CDH18: variants seen among roughly 807,000 people sequenced by gnomAD.
CDH18 encodes cadherin-18.
In CDH18, 31 loss-of-function variants were observed where a neutral mutation model predicts 67.9. That is an observed-to-expected ratio of 0.46 (90% CI 0.34 to 0.62). CDH18 has a LOEUF of 0.62. Among genes scored for constraint, CDH18 ranks in the 20% least tolerant of loss-of-function variants. The pLI is 0.01. For missense variants in CDH18, 890 were observed against 975.5 expected, an observed-to-expected ratio of 0.91 and a Z score of 1.17; for synonymous variants, 362 against 347.2, an observed-to-expected ratio of 1.04 and a Z score of -0.48.
rs190515293 is a variant in CDH18 at position 19,841,205 on chromosome 5, A to T, written c.-256-1963T>A. ...GGAATTTCACTTTTATCATTTGACA[A>T]ATATAAAATTTATGTTTTCAAATAT... On this transcript the variant is annotated intron_variant, in intron 2 of 12. Transcript: ENST00000382275. Among the ~76,000 whole-genome samples the T allele has an allele frequency of 2.1e-3, 322 of 152,276 alleles. 4 individuals are homozygous for T. The highest frequency in any genetic ancestry group is 6.8e-3 in the African/African-American group (282 of 41,562).
intron 2 of CDH18, among the ~76,000 whole-genome samples, chr5:19,931,066 A>G (rs1793638557): frequency 6.6e-6 from 1 of 152,080 alleles, no homozygotes; most frequent in Non-Finnish European, 1.5e-5. Flanking sequence ...GACAAATAGT[A>G]TTAGTCAAAC....
At chr5:20,371,211 T>C (rs527597249) in intron 1 of CDH18, among the ~76,000 whole-genome samples, 1 of 152,118 alleles carries the variant, frequency 6.6e-6, no homozygotes, top group South Asian at 2.1e-4. Context: ...GATAAAGGAA[T>C]CCAGAATAAT....
At chr5:19,800,810 G>C (rs1777380757) in intron 3 of CDH18, among the ~76,000 whole-genome samples, 1 of 152,088 alleles carries the variant, frequency 6.6e-6, no homozygotes, top group African/African-American at 2.4e-5. Context: ...AAAATGGAGA[G>C]TACTTCTGTA....
intron 5 of CDH18, among the ~76,000 whole-genome samples, chr5:19,663,567 ATAATC>A (rs924532574): frequency 1.3e-5 from 2 of 151,918 alleles, no homozygotes; most frequent in African/African-American, 4.8e-5. Context: ...ATCCTGAGAG[ATAATC>A]TCTGAAGGAA....
chr5:20,158,258 T>C (rs1234424683), intron 2 of CDH18, among the ~76,000 whole-genome samples: 3 of 152,104 alleles, frequency 2.0e-5, no homozygotes, highest in Non-Finnish European at 2.9e-5. Context: ...AAGAGAAAAA[T>C]AAAATGGACT....
chr5:20,002,736 A>G (rs1013745442), intron 2 of CDH18, among the ~76,000 whole-genome samples: 1 of 152,184 alleles, frequency 6.6e-6, no homozygotes, highest in African/African-American at 2.4e-5. Flanking sequence ...ATCTTGTGCT[A>G]TTGAGATTAC....
chr5:20,414,198 A>G (rs1428805439), intron 1 of CDH18, among the ~76,000 whole-genome samples: 2 of 152,244 alleles, frequency 1.3e-5, no homozygotes, highest in East Asian at 3.9e-4. Context: ...CTGGGAAAAT[A>G]AAACATTCTA....
intron 2 of CDH18, among the ~76,000 whole-genome samples, chr5:20,183,007 T>C (rs533628799): frequency 3.0e-4 from 46 of 152,246 alleles, no homozygotes; most frequent in African/African-American, 1.0e-3. Context: ...ATCCTTGATC[T>C]TTCTTATATT....
In CDH18 at chr5:19,838,653, T is replaced by C. The variant is rs1781934680; in HGVS notation, c.228+106A>G. On this transcript the variant is annotated intron_variant, in intron 3 of 12. Coordinates refer to ENST00000382275, the MANE Select transcript of CDH18 (RefSeq NM_004934.5). Reference sequence around the variant, plus strand: ...CTATAGCGTAATTCACTCTACAACATAATTTGCTTCATTTGTCTATCTCTT... The same window carrying C: ...CTATAGCGTAATTCACTCTACAACACAATTTGCTTCATTTGTCTATCTCTT... 3 of 696,362 alleles carry C rather than the reference T, an allele frequency of 4.3e-6. No homozygotes were observed. In the Admixed American group the frequency reaches 7.2e-5, roughly 17 times the overall value. 43.1% of individuals were successfully genotyped at this position (696,362 alleles called of 1,614,324 possible).
At chr5:20,044,774 C>G (rs1740765289) in intron 2 of CDH18, among the ~76,000 whole-genome samples, 1 of 152,132 alleles carries the variant, frequency 6.6e-6, no homozygotes, top group Non-Finnish European at 1.5e-5. Context: ...TCCATTTTGT[C>G]TCTCTATGTT....
chr5:20,084,408 T>C (rs541947698), intron 2 of CDH18, among the ~76,000 whole-genome samples: 1 of 152,286 alleles, frequency 6.6e-6, no homozygotes, highest in African/African-American at 2.4e-5. Flanking sequence ...CCTGGCTGCT[T>C]TCATGGGCTG....
chr5:20,062,708 T>A lies in CDH18; in HGVS notation c.-517-70694A>T, dbSNP rs1742607332. Reference sequence around the variant, plus strand: ...TCAAAAGAGAGAAAGAAGTTTTGCATCGCTCTTCTATTATCTTAAACAATT... The same window carrying A: ...TCAAAAGAGAGAAAGAAGTTTTGCAACGCTCTTCTATTATCTTAAACAATT... On this transcript the variant is annotated intron_variant, in intron 2 of 14. Transcript: ENST00000507958. Among the ~76,000 whole-genome samples the A allele has an allele frequency of 3.9e-5, 6 of 152,280 alleles. No homozygotes were observed. The South Asian group carries it at 1.2e-3, about 32-fold the overall frequency.
intron 3 of CDH18, among the ~76,000 whole-genome samples, chr5:19,838,185 T>C: frequency 6.6e-6 from 1 of 152,166 alleles, no homozygotes; most frequent in East Asian, 1.9e-4. Context: ...TTCAATGTTT[T>C]TATGAAAATT....
intron 2 of CDH18, among the ~76,000 whole-genome samples, chr5:19,953,614 C>T (rs1795999001): frequency 6.6e-6 from 1 of 151,972 alleles, no homozygotes. Flanking sequence ...ACATGTTTAT[C>T]TGCCAGAAAA....
chr5:19,998,926 A>G (rs1736225878), intron 2 of CDH18, among the ~76,000 whole-genome samples: 1 of 152,200 alleles, frequency 6.6e-6, no homozygotes, highest in Non-Finnish European at 1.5e-5. Context: ...AAATGAAAAA[A>G]ATACAGAACA....
chr5:20,068,707 A>C (rs961200713), intron 2 of CDH18, among the ~76,000 whole-genome samples: 5 of 152,152 alleles, frequency 3.3e-5, no homozygotes, highest in African/African-American at 9.7e-5. Flanking sequence ...GAGTTGGTGA[A>C]ATATCTGTGA....
chr5:20,043,986 T>C (rs762477257), intron 2 of CDH18, among the ~76,000 whole-genome samples: 16 of 152,202 alleles, frequency 1.1e-4, no homozygotes, highest in Non-Finnish European at 1.9e-4. Context: ...GCTCCTTCAA[T>C]GATGGCAAAT....
chr5:20,381,985 T>C (rs1743944650), intron 1 of CDH18, among the ~76,000 whole-genome samples: 1 of 152,130 alleles, frequency 6.6e-6, no homozygotes, highest in African/African-American at 2.4e-5. Context: ...TTTAAAAAGT[T>C]ATTACATTAA....
chr5:20,143,125 A>G (rs1350871758), intron 2 of CDH18, among the ~76,000 whole-genome samples: 2 of 152,178 alleles, frequency 1.3e-5, no homozygotes, highest in Non-Finnish European at 2.9e-5. Flanking sequence ...CAGAAAGAAA[A>G]GAGGAAAGGT....
Sources: gnomAD v4.1 joint callset for allele counts (sites outside exome capture counted in the v4.1 genomes callset) on GRCh38, gnomAD v4.1.1 for gene constraint, MANE v1.5 for transcripts, NCBI Gene and HGNC (gene_info 2026-07-23, HGNC 2026-07-21) for gene names.